The following SPIRE1 variants were observed in gnomAD, a reference collection of about 807,000 sequenced individuals.
SPIRE1 encodes spire type actin nucleation factor 1, also known as protein spire homolog 1.
A neutral mutation model predicts 94.1 loss-of-function variants in SPIRE1; 40 were observed. The observed-to-expected ratio is 0.43, with a 90% CI of 0.33 to 0.55. SPIRE1 has a LOEUF of 0.55. Among genes scored for constraint, SPIRE1 ranks in the 20% least tolerant of loss-of-function variants. The pLI, the probability that SPIRE1 is intolerant of heterozygous loss-of-function variation, is 0.06. For missense variants in SPIRE1, 838 were observed against 975.2 expected, an observed-to-expected ratio of 0.86 and a Z score of 1.87; for synonymous variants, 376 against 371.7, an observed-to-expected ratio of 1.01 and a Z score of -0.13.
intron 8 of SPIRE1, among the ~76,000 whole-genome samples, 184 bp downstream of exon 8, chr18:12,492,888 G>C (rs751991828): frequency 2.6e-5 from 4 of 152,138 alleles, no homozygotes; most frequent in Non-Finnish European, 5.9e-5. Context: ...GTAAGTGTGA[G>C]GGGGTATGTA....
At chr18:12,488,037 T>C (rs1305773380) in intron 8 of SPIRE1, among the ~76,000 whole-genome samples, 1 of 152,186 alleles carries the variant, frequency 6.6e-6, no homozygotes, top group Non-Finnish European at 1.5e-5. Context: ...CAGATATCCA[T>C]TGGCCATTCT....
intron 4 of SPIRE1, among the ~76,000 whole-genome samples, chr18:12,519,974 G>A (rs1204875257): frequency 6.6e-6 from 1 of 152,022 alleles, no homozygotes; most frequent in Non-Finnish European, 1.5e-5. Flanking sequence ...AGAAAAATAG[G>A]TTAAAAATTA....
intron 10 of SPIRE1, among the ~76,000 whole-genome samples, chr18:12,477,554 G>A (rs1443341524): frequency 1.3e-5 from 2 of 152,152 alleles, no homozygotes; most frequent in Admixed American, 6.5e-5. Context: ...ATTCAGCATG[G>A]TTCCTCCTCT....
chr18:12,653,569 A>G (rs1032578687), intron 1 of SPIRE1: 5 of 152,236 alleles, frequency 3.3e-5, no homozygotes, highest in African/African-American at 1.2e-4. Flanking sequence ...GTTTCATTCC[A>G]CAACACTACT....
chr18:12,529,166 A>G (rs548319116), intron 4 of SPIRE1, among the ~76,000 whole-genome samples: 39 of 152,228 alleles, frequency 2.6e-4, no homozygotes, highest in African/African-American at 9.1e-4. Flanking sequence ...TCAGGAGATC[A>G]AGACCATCCT....
chr18:12,485,509 T>C (rs1371160710), intron 9 of SPIRE1, among the ~76,000 whole-genome samples: 1 of 152,232 alleles, frequency 6.6e-6, no homozygotes, highest in Admixed American at 6.5e-5. Flanking sequence ...TGAGGTGCTG[T>C]CATCTGAAGT....
chr18:12,561,824 G>A (rs1308361651), intron 2 of SPIRE1, among the ~76,000 whole-genome samples: 3 of 151,802 alleles, frequency 2.0e-5, no homozygotes, highest in Admixed American at 6.6e-5. Context: ...CAGCTAGCAG[G>A]AAAAGAAAGA....
intron 2 of SPIRE1, among the ~76,000 whole-genome samples, chr18:12,620,578 G>A (rs750641658): frequency 2.0e-5 from 3 of 152,196 alleles, no homozygotes; most frequent in Non-Finnish European, 4.4e-5. Flanking sequence ...TCAAGAAATG[G>A]TGATGTGTCT....
intron 4 of SPIRE1, among the ~76,000 whole-genome samples, chr18:12,530,080 A>C (rs1432997809): frequency 2.6e-5 from 4 of 152,186 alleles, no homozygotes; most frequent in Admixed American, 6.6e-5. Flanking sequence ...TAAAAGGCCT[A>C]CAGCATCCTC....
chr18:12,506,709 T>C, intron 5 of SPIRE1, 68 bp from the exon 6 acceptor site: 1 of 1,413,600 alleles, frequency 7.1e-7, no homozygotes, highest in Non-Finnish European at 9.8e-7. Flanking sequence ...CAGCTAGTCA[T>C]ACAGAATAAA....
intron 2 of SPIRE1, among the ~76,000 whole-genome samples, chr18:12,606,676 A>G (rs1397232269): frequency 1.3e-5 from 2 of 152,054 alleles, no homozygotes; most frequent in Admixed American, 6.6e-5. Flanking sequence ...GATTACAAGC[A>G]TGCACCACCA....
intron 4 of SPIRE1, among the ~76,000 whole-genome samples, chr18:12,514,000 T>G (rs1336180718): frequency 2.0e-5 from 3 of 152,052 alleles, no homozygotes; most frequent in Non-Finnish European, 4.4e-5. Context: ...TGCACCCCTA[T>G]GCCTGGCTAA....
At chr18:12,537,908 T>C (rs1031778434) in intron 3 of SPIRE1, among the ~76,000 whole-genome samples, 1 of 152,192 alleles carries the variant, frequency 6.6e-6, no homozygotes, top group African/African-American at 2.4e-5. Context: ...ACAATATAGT[T>C]AAGGCAACAA....
chr18:12,464,524 G>A (rs559527841), intron 11 of SPIRE1, among the ~76,000 whole-genome samples: 10 of 152,168 alleles, frequency 6.6e-5, no homozygotes, highest in Admixed American at 3.9e-4. Context: ...GTGGTAGGTG[G>A]AATGATAATA....
chr18:12,463,102 A>G (rs1323605893), intron 12 of SPIRE1, among the ~76,000 whole-genome samples: 1 of 152,046 alleles, frequency 6.6e-6, no homozygotes, highest in East Asian at 1.9e-4. Context: ...GGATCTCACA[A>G]TGTTGCTCAG....
In SPIRE1 at chr18:12,657,806, C is replaced by A; in HGVS notation, c.61G>T (p.Glu21Ter). 1.6e-6 allele frequency: 2 copies of A among 1,258,104 alleles called. No homozygotes were observed. The highest frequency in any genetic ancestry group is 2.4e-5 in the South Asian group (1 of 42,216). The allele number at this position is 1,258,104 out of a possible 1,614,324, so 77.9% of individuals were successfully genotyped here. ...GCTGCCCCGGGCTCCCGCGGCCCCT[C>A]GCCGCCCACTGCCTCAGTCCGCGGC... Reference protein sequence around the residue: ...GEPRTEAVGGEGPREPGAAGG... With the variant: ...GEPRTEAVGG The change falls in exon 1 of 17, where the codon GAG (glutamate) becomes TAG (stop). Residue 21 changes from glutamate (E) to a stop codon, truncating the protein, a stop_gained. Coordinates refer to ENST00000409402, the MANE Select transcript of SPIRE1 (RefSeq NM_001128626.2). LOFTEE classifies it high-confidence loss of function.
chr18:12,634,359 AT>A (rs1348457087), intron 2 of SPIRE1, among the ~76,000 whole-genome samples: 6 of 151,926 alleles, frequency 3.9e-5, no homozygotes, highest in Middle Eastern at 3.4e-3. Flanking sequence ...CTAAGTCCCT[AT>A]TTTTTCTTAA....
intron 16 of SPIRE1, 118 bp downstream of exon 16, chr18:12,452,137 C>G: frequency 7.8e-7 from 1 of 1,277,614 alleles, no homozygotes. Flanking sequence ...TGTATTAAAA[C>G]CAACCAACAA....
intron 12 of SPIRE1, among the ~76,000 whole-genome samples, chr18:12,463,104 G>A (rs2031935139): frequency 1.3e-5 from 2 of 152,076 alleles, no homozygotes; most frequent in Non-Finnish European, 2.9e-5. Flanking sequence ...ATCTCACAAT[G>A]TTGCTCAGGC....
Sources: gnomAD v4.1 joint callset for allele counts (sites outside exome capture counted in the v4.1 genomes callset) on GRCh38, gnomAD v4.1.1 for gene constraint, MANE v1.5 for transcripts, NCBI Gene and HGNC (gene_info 2026-07-23, HGNC 2026-07-21) for gene names.